SH3RF1: variants seen among roughly 807,000 people sequenced by gnomAD.
SH3RF1 encodes the protein E3 ubiquitin-protein ligase SH3RF1.
In SH3RF1, 32 loss-of-function variants were observed where a neutral mutation model predicts 74.0. That is an observed-to-expected ratio of 0.43 (90% CI 0.33 to 0.58). SH3RF1 has a LOEUF of 0.58. Ranked by LOEUF, SH3RF1 falls within the 20% of genes least tolerant of loss-of-function variation. SH3RF1 has a pLI of 0.05. For missense variants in SH3RF1, 954 were observed against 1,130.9 expected, an observed-to-expected ratio of 0.84 and a Z score of 2.24; for synonymous variants, 396 against 439.6, an observed-to-expected ratio of 0.90 and a Z score of 1.24.
chr4:169,126,728 C>A (rs1416887559), intron 6 of SH3RF1, among the ~76,000 whole-genome samples: 1 of 152,046 alleles, frequency 6.6e-6, no homozygotes, highest in East Asian at 1.9e-4. Flanking sequence ...GGACTACAGG[C>A]ATGCACCACC....
intron 2 of SH3RF1, among the ~76,000 whole-genome samples, chr4:169,256,485 G>C (rs539055379): frequency 5.5e-4 from 84 of 152,322 alleles, no homozygotes; most frequent in Non-Finnish European, 9.1e-4. Flanking sequence ...GGTATCTGAA[G>C]TTTAAGCCAG....
chr4:169,110,932 G>A (rs1733232983), intron 10 of SH3RF1, among the ~76,000 whole-genome samples: 1 of 152,190 alleles, frequency 6.6e-6, no homozygotes, highest in African/African-American at 2.4e-5. Flanking sequence ...ACCAGCATCA[G>A]AGGTGGTTCC....
chr4:169,167,562 A>C (rs145651043), intron 2 of SH3RF1, among the ~76,000 whole-genome samples: 1,661 of 152,318 alleles, frequency 0.011, 10 homozygotes, highest in Non-Finnish European at 0.014. Flanking sequence ...ACATGGGAAT[A>C]AATGGAATCC....
chr4:169,163,210 G>T (rs1177518822), intron 2 of SH3RF1, among the ~76,000 whole-genome samples: 1 of 149,986 alleles, frequency 6.7e-6, no homozygotes, highest in Non-Finnish European at 1.5e-5. Context: ...GAATTTAGCT[G>T]AAGTCAAGAG....
chr4:169,197,770 C>T (rs780676978), intron 2 of SH3RF1, among the ~76,000 whole-genome samples: 2 of 151,822 alleles, frequency 1.3e-5, no homozygotes, highest in Non-Finnish European at 2.9e-5. Context: ...AATTCAAAGA[C>T]CTGATACTAC....
At chr4:169,115,104 T>C (rs991380710) in intron 10 of SH3RF1, among the ~76,000 whole-genome samples, 4 of 152,192 alleles carry the variant, frequency 2.6e-5, no homozygotes, top group Non-Finnish European at 5.9e-5. Context: ...GGTTATTCTT[T>C]CCAATATAAC....
intron 6 of SH3RF1, among the ~76,000 whole-genome samples, chr4:169,126,738 C>T (rs1033406366): frequency 6.6e-6 from 1 of 152,054 alleles, no homozygotes; most frequent in South Asian, 2.1e-4. Flanking sequence ...CATGCACCAC[C>T]ATGCCCAGCT....
At chr4:169,114,987 T>C (rs996189697) in intron 10 of SH3RF1, among the ~76,000 whole-genome samples, 1 of 152,196 alleles carries the variant, frequency 6.6e-6, no homozygotes, top group Admixed American at 6.5e-5. Context: ...AAAGTAATAA[T>C]GACAATAAAA....
At chr4:169,139,028 T>G (rs180775935) in intron 4 of SH3RF1, among the ~76,000 whole-genome samples, 22 of 152,324 alleles carry the variant, frequency 1.4e-4, no homozygotes, top group Non-Finnish European at 2.9e-4. Context: ...CATTGCTCAG[T>G]GCAGCCTCGA....
intron 2 of SH3RF1, among the ~76,000 whole-genome samples, chr4:169,206,269 A>T (rs1218033992): frequency 1.3e-5 from 2 of 152,238 alleles, no homozygotes; most frequent in East Asian, 1.9e-4. Context: ...CACATGATTC[A>T]ATCTAAAATG....
intron 10 of SH3RF1, among the ~76,000 whole-genome samples, chr4:169,111,014 A>T (rs1029175900): frequency 5.3e-5 from 8 of 151,008 alleles, no homozygotes; most frequent in Non-Finnish European, 8.9e-5. Context: ...CTAATCAAAA[A>T]TTTTTTTTTC....
intron 2 of SH3RF1, among the ~76,000 whole-genome samples, chr4:169,208,780 T>C (rs1181555219): frequency 1.3e-5 from 2 of 152,104 alleles, no homozygotes; most frequent in Non-Finnish European, 2.9e-5. Context: ...CCTGGAAAGC[T>C]ACCCAACATT....
intron 10 of SH3RF1, among the ~76,000 whole-genome samples, chr4:169,112,417 G>T (rs972584256): frequency 2.6e-5 from 4 of 152,210 alleles, no homozygotes; most frequent in Admixed American, 1.3e-4. Flanking sequence ...GGAAAAAGAG[G>T]CTGATGATAG....
intron 2 of SH3RF1, among the ~76,000 whole-genome samples, chr4:169,241,058 T>G (rs998393573): frequency 3.3e-5 from 5 of 152,030 alleles, no homozygotes; most frequent in Admixed American, 6.6e-5. Context: ...GTGAAACCCC[T>G]TCTCTACTAA....
At chr4:169,227,740 A>C (rs369918908) in intron 2 of SH3RF1, among the ~76,000 whole-genome samples, 3 of 152,182 alleles carry the variant, frequency 2.0e-5, no homozygotes, top group African/African-American at 7.2e-5. Flanking sequence ...CATTATCTAC[A>C]ACCATAGAAC....
At chr4:169,201,973 G>A (rs1172523328) in intron 2 of SH3RF1, 2 of 152,080 alleles carry the variant, frequency 1.3e-5, no homozygotes, top group African/African-American at 2.4e-5. Flanking sequence ...CTATGAGAGA[G>A]GAGTCTTTGG....
chr4:169,165,643 G>GC (rs1441387390), intron 2 of SH3RF1, among the ~76,000 whole-genome samples: 1 of 151,952 alleles, frequency 6.6e-6, no homozygotes, highest in African/African-American at 2.4e-5. Context: ...AAGGCGGGGG[G>GC]GGGAGTCAGG....
intron 10 of SH3RF1, among the ~76,000 whole-genome samples, chr4:169,115,235 T>C (rs1733311095): frequency 2.0e-5 from 3 of 152,154 alleles, no homozygotes; most frequent in Admixed American, 6.5e-5. Context: ...CAAGGAACCA[T>C]GCTGCTTAAG....
At position 169,095,087 on chromosome 4, in the gene SH3RF1, G is replaced by T. The variant is rs540713552; in HGVS notation, c.*1432C>A. ...GGAGAGGCCAATGACATCAAGGAATGGATATAAAAAGACAGGCTCTTCTGG... is the reference window on the plus strand; with the variant it reads ...GGAGAGGCCAATGACATCAAGGAATTGATATAAAAAGACAGGCTCTTCTGG... On this transcript the variant is annotated 3_prime_UTR_variant, in exon 12 of 12. Transcript: ENST00000284637. 2 of 152,580 alleles carry T rather than the reference G, an allele frequency of 1.3e-5. No individual in the cohort carries two copies. The highest frequency in any genetic ancestry group is 2.9e-5 in the Non-Finnish European group (2 of 68,040). The allele number at this position is 152,580 out of a possible 1,614,324, so 9.5% of individuals were successfully genotyped here.
Sources: gnomAD v4.1 joint callset for allele counts (sites outside exome capture counted in the v4.1 genomes callset) on GRCh38, gnomAD v4.1.1 for gene constraint, MANE v1.5 for transcripts, NCBI Gene and HGNC (gene_info 2026-07-23, HGNC 2026-07-21) for gene names.